Variants in PAX2 observed in about 807,000 individuals in gnomAD.
PAX2 encodes the protein paired box 2, also known as paired box protein Pax-2.
Under a neutral mutation model 41.7 loss-of-function variants are expected in PAX2, and 9 were observed. The observed-to-expected ratio is 0.22, with a 90% CI of 0.13 to 0.38. The LOEUF is 0.38. Among genes scored for constraint, PAX2 ranks in the 10% least tolerant of loss-of-function variants. The pLI, the probability that PAX2 is intolerant of heterozygous loss-of-function variation, is 1.00. For synonymous variants in PAX2, 221 were observed against 212.7 expected, an observed-to-expected ratio of 1.04 and a Z score of -0.34; for missense variants, 418 against 531.6, an observed-to-expected ratio of 0.79 and a Z score of 2.10.
In PAX2 at chr10:100,750,533, G is replaced by T. The variant is rs1845401775; in HGVS notation, c.213-161G>T. Among the ~76,000 whole-genome samples the T allele has an allele frequency of 6.6e-6, 1 of 152,166 alleles. No homozygotes were observed. Among genetic ancestry groups the T allele is most frequent in the South Asian group, 2.1e-4 (1 of 4,824 alleles). On this transcript the variant is annotated intron_variant, in intron 2 of 9. Coordinates refer to ENST00000355243, the MANE Select transcript of PAX2 (RefSeq NM_000278.5). This position sits in a 1 kb window ranked among gnomAD's most constrained non-coding sequence, Gnocchi z 4.1. ...CTCCTACTCCGCGGCGCTCCTCCTAGCCAGGCACCCTCAGGAAGTCAGCTC... is the reference window on the plus strand; with the variant it reads ...CTCCTACTCCGCGGCGCTCCTCCTATCCAGGCACCCTCAGGAAGTCAGCTC...
At chr10:100,765,134 A>C (rs1228830379) in intron 3 of PAX2, among the ~76,000 whole-genome samples, 3 of 152,252 alleles carry the variant, frequency 2.0e-5, no homozygotes, top group African/African-American at 7.2e-5. Context: ...GTTTTTAAGA[A>C]AAAAATTTCA....
chr10:100,748,947 C>A lies in PAX2; in HGVS notation c.44-799C>A. ...GGCTCTGCGAGGCGCGGCAGGCAGG[C>A]GAGCCCAAGCAGCCGGCATTCTCTG... is the stretch of plus-strand genomic sequence containing the variant. On this transcript the variant is annotated intron_variant, in intron 1 of 9. Coordinates refer to ENST00000355243, the MANE Select transcript of PAX2 (RefSeq NM_000278.5). This position sits in a 1 kb window ranked among gnomAD's most constrained non-coding sequence, Gnocchi z 5.0. 1.0e-6 allele frequency: 1 copy of A among 985,374 alleles called. No individual in the cohort carries two copies. The highest frequency in any genetic ancestry group is 1.2e-6 in the Non-Finnish European group (1 of 829,902). The allele number at this position is 985,374 out of a possible 1,614,324, so 61.0% of individuals were successfully genotyped here.
Position 100,750,697 on chromosome 10 carries a change from C to T in PAX2, c.216C>T (p.Tyr72=). The T allele has an allele frequency of 6.2e-7, 1 of 1,614,110 alleles. No homozygotes were observed. ...HGCVSKILGR[Y]YETGSIKPGV... is the part of the protein sequence containing the mutation. ...CCCGCCGGCTTTCCCGGCGCAGGTA[C>T]TACGAGACCGGCAGCATCAAGCCGG... The change falls in exon 3 of 10, where the codon TAC becomes TAT. Residue 72 remains tyrosine, a synonymous_variant. Transcript: ENST00000355243. The surrounding 1 kb of genome is among the most constrained non-coding windows in gnomAD (Gnocchi z 4.1).
rs1209504454 is a variant in PAX2 at position 100,748,541 on chromosome 10, A to G, written c.44-1205A>G. ...CAGCTTGCCAGTCCGGGCCGACCCG[A>G]CTCGGCCGCTAGAAGTCTCTGCGCT... On this transcript the variant is annotated intron_variant, in intron 1 of 9. Coordinates refer to ENST00000355243, the MANE Select transcript of PAX2 (RefSeq NM_000278.5). This position sits in a 1 kb window ranked among gnomAD's most constrained non-coding sequence, Gnocchi z 5.0. The G allele has an allele frequency of 3.0e-6, 3 of 984,934 alleles. No homozygotes were observed. The African/African-American group carries it at 5.3e-5, about 17-fold the overall frequency. 61.0% of individuals were successfully genotyped at this position (984,934 alleles called of 1,614,324 possible).
upstream of PAX2, among the ~76,000 whole-genome samples, chr10:100,744,213 G>T (rs1168719132): frequency 6.6e-6 from 1 of 152,234 alleles, no homozygotes; most frequent in Middle Eastern, 3.2e-3. Context: ...TCCGCGGGGC[G>T]CCCGGAGCTG....
intron 3 of PAX2, among the ~76,000 whole-genome samples, chr10:100,774,380 G>T (rs1193769119): frequency 6.6e-6 from 1 of 152,108 alleles, no homozygotes; most frequent in Non-Finnish European, 1.5e-5. Context: ...GTCTCCTGTG[G>T]ATCCTTGCCA....
intron 5 of PAX2, among the ~76,000 whole-genome samples, chr10:100,796,208 C>A (rs2133929273): frequency 6.6e-6 from 1 of 152,300 alleles, no homozygotes; most frequent in South Asian, 2.1e-4. Context: ...AATGTCGTCA[C>A]CAGGAGATAA....
intron 5 of PAX2, among the ~76,000 whole-genome samples, chr10:100,781,845 G>C (rs1846642538): frequency 6.6e-6 from 1 of 152,110 alleles, no homozygotes; most frequent in Non-Finnish European, 1.5e-5. Flanking sequence ...GCTGGACATG[G>C]GACCCCTCTC....
intron 5 of PAX2, among the ~76,000 whole-genome samples, chr10:100,792,051 G>T (rs577705863): frequency 6.6e-6 from 1 of 152,220 alleles, no homozygotes; most frequent in African/African-American, 2.4e-5. Context: ...TTTTTCTCTG[G>T]CATTTTGGTC....
chr10:100,762,291 C>T (rs1845867976), intron 3 of PAX2, among the ~76,000 whole-genome samples: 1 of 152,100 alleles, frequency 6.6e-6, no homozygotes, highest in Non-Finnish European at 1.5e-5. Flanking sequence ...GCTGTCCACA[C>T]CGGGGTTTCA....
chr10:100,747,724 A>G lies in PAX2; in HGVS notation c.43+1421A>G, dbSNP rs1202492697. 3 of 984,754 alleles carry G rather than the reference A, an allele frequency of 3.0e-6. No homozygotes were observed. In the African/African-American group the frequency reaches 5.3e-5, roughly 17 times the overall value. 61.0% of individuals were successfully genotyped at this position (984,754 alleles called of 1,614,324 possible). Reference sequence around the variant, plus strand: ...AATATATTTTTCTAAGTAATTTCCAAGCGCAGGAAAGCCGCGCCGAGGGCA... The same window carrying G: ...AATATATTTTTCTAAGTAATTTCCAGGCGCAGGAAAGCCGCGCCGAGGGCA... On this transcript the variant is annotated intron_variant, in intron 1 of 9. Coordinates refer to ENST00000355243, the MANE Select transcript of PAX2 (RefSeq NM_000278.5).
At chr10:100,741,670 A>G (rs2133814938), upstream of PAX2, among the ~76,000 whole-genome samples, 1 of 152,142 alleles carries the variant, frequency 6.6e-6, no homozygotes, top group African/African-American at 2.4e-5. Context: ...AAGAACTTTT[A>G]TTTTTCTTTT....
At chr10:100,812,356 A>C (rs972364337) in intron 7 of PAX2, among the ~76,000 whole-genome samples, 1 of 152,174 alleles carries the variant, frequency 6.6e-6, no homozygotes, top group Non-Finnish European at 1.5e-5. Flanking sequence ...CCACGGCTCT[A>C]GGCTGCTGGT....
rs1845403538 is a variant in PAX2, at chr10:100,750,583, A to C, written c.213-111A>C. On this transcript the variant is annotated intron_variant, in intron 2 of 9. Coordinates refer to ENST00000355243, the MANE Select transcript of PAX2 (RefSeq NM_000278.5). The surrounding 1 kb of genome is among the most constrained non-coding windows in gnomAD (Gnocchi z 4.1). ...CAGCCACACTGGGCCTTTTCCCTCC[A>C]CTCCGCTGCCTCGGCCGGGCAGGAG... is the stretch of plus-strand genomic sequence containing the variant. 10 of 965,900 alleles carry C rather than the reference A, an allele frequency of 1.0e-5. 1 individual carries two copies. The South Asian group carries it at 1.4e-4, about 14-fold the overall frequency. 59.8% of individuals were successfully genotyped at this position (965,900 alleles called of 1,614,324 possible).
intron 3 of PAX2, among the ~76,000 whole-genome samples, chr10:100,776,178 A>G (rs1846380294): frequency 6.6e-6 from 1 of 152,068 alleles, no homozygotes; most frequent in African/African-American, 2.4e-5. Flanking sequence ...TCCACCTTCC[A>G]TACTTTCCTC....
rs1846611073 is a variant in PAX2, at chr10:100,781,262, C to T, written c.513C>T (p.Ser171=). 1 of 1,614,000 alleles carries T rather than the reference C, an allele frequency of 6.2e-7. No individual in the cohort carries two copies. Among genetic ancestry groups the T allele is most frequent in the African/African-American group, 1.3e-5 (1 of 75,034 alleles). Residue 171 remains serine (S), a synonymous_variant, in exon 5 of 10, where the codon TCC becomes TCT. Transcript: ENST00000355243. ...PGHTIVPSTA[S]PPVSSASNDP... ...CTCATCCAGTTCCCAGCACGGCCTC[C>T]CCTCCTGTTTCCAGCGCCTCCAATG...
intron 6 of PAX2, among the ~76,000 whole-genome samples, chr10:100,806,906 G>C (rs1291421451): frequency 6.6e-6 from 1 of 152,162 alleles, no homozygotes; most frequent in Non-Finnish European, 1.5e-5. Context: ...CTTGGATGTA[G>C]GGTTTGTCAA....
intron 3 of PAX2, among the ~76,000 whole-genome samples, chr10:100,764,930 C>T (rs1284122265): frequency 6.6e-6 from 1 of 151,542 alleles, no homozygotes; most frequent in Non-Finnish European, 1.5e-5. Flanking sequence ...GGGAGGTAAA[C>T]AGGAAGAGGA....
chr10:100,752,971 G>T (rs1398062899), intron 3 of PAX2, among the ~76,000 whole-genome samples: 1 of 152,236 alleles, frequency 6.6e-6, no homozygotes, highest in African/African-American at 2.4e-5. Flanking sequence ...GATGAGGGTG[G>T]GGAAAGAGTA....
Sources: allele counts gnomAD v4.1 joint callset (sites outside exome capture counted in the v4.1 genomes callset), GRCh38; gene constraint gnomAD v4.1.1; non-coding constraint Gnocchi (gnomAD v3.1); transcripts MANE v1.5; gene names NCBI Gene and HGNC (gene_info 2026-07-23, HGNC 2026-07-21).